Variants in SLC35F3 observed in about 807,000 individuals in gnomAD.
SLC35F3 encodes the protein putative thiamine transporter SLC35F3.
In SLC35F3, 25 loss-of-function variants were observed where a neutral mutation model predicts 49.9. The observed-to-expected ratio is 0.50, with a 90% CI of 0.37 to 0.70. The LOEUF (loss-of-function observed/expected upper bound fraction) is 0.70. Among genes scored for constraint, SLC35F3 ranks in the 30% least tolerant of loss-of-function variants. The pLI, the probability that SLC35F3 is intolerant of heterozygous loss-of-function variation, is 0.00. For missense variants in SLC35F3, 525 were observed against 639.8 expected, an observed-to-expected ratio of 0.82 and a Z score of 1.94; for synonymous variants, 275 against 265.4, an observed-to-expected ratio of 1.04 and a Z score of -0.35.
chr1:234,032,849 A>C (rs986984512), intron 2 of SLC35F3, among the ~76,000 whole-genome samples: 1 of 152,160 alleles, frequency 6.6e-6, no homozygotes, highest in Non-Finnish European at 1.5e-5. Flanking sequence ...CTTTTTTCAT[A>C]TAATGACTTC....
chr1:234,254,155 C>T (rs1373653875), intron 3 of SLC35F3, among the ~76,000 whole-genome samples: 1 of 152,202 alleles, frequency 6.6e-6, no homozygotes, highest in African/African-American at 2.4e-5. Context: ...TCTAAGAGTG[C>T]CATATTTGGC....
At chr1:234,142,169 G>A (rs1032314215) in intron 2 of SLC35F3, among the ~76,000 whole-genome samples, 3 of 152,208 alleles carry the variant, frequency 2.0e-5, no homozygotes, top group South Asian at 2.1e-4. Context: ...TGCAAGGGGC[G>A]TAGGAGGACA....
intron 2 of SLC35F3, among the ~76,000 whole-genome samples, chr1:233,960,537 C>G (rs1662782381): frequency 6.6e-6 from 1 of 152,214 alleles, no homozygotes; most frequent in Non-Finnish European, 1.5e-5. Flanking sequence ...CTGGCTTTGA[C>G]TTGGATGCCC....
rs1006312920 is a variant in SLC35F3, at chr1:234,072,791, G to C, written c.284-158626G>C. Among the ~76,000 whole-genome samples the C allele has an allele frequency of 3.9e-5, 6 of 152,194 alleles. No individual in the cohort carries two copies. In the South Asian group the frequency reaches 1.2e-3, roughly 32 times the overall value. ...AAAGAGTGGCAGGACCCATGGGCAAGGGGGCAAGGGTCCCCATCACACCAG... is the reference window on the plus strand; with the variant it reads ...AAAGAGTGGCAGGACCCATGGGCAACGGGGCAAGGGTCCCCATCACACCAG... On this transcript the variant is annotated intron_variant, in intron 2 of 7. Coordinates refer to ENST00000366618, the MANE Select transcript of SLC35F3 (RefSeq NM_173508.4).
chr1:234,154,922 T>C (rs1246075643), intron 2 of SLC35F3, among the ~76,000 whole-genome samples: 2 of 151,982 alleles, frequency 1.3e-5, no homozygotes, highest in Admixed American at 6.5e-5. Flanking sequence ...CCGGGGGCGA[T>C]TTGACTCCAG....
At chr1:234,194,972 C>G (rs1666786316) in intron 2 of SLC35F3, among the ~76,000 whole-genome samples, 2 of 152,198 alleles carry the variant, frequency 1.3e-5, no homozygotes, top group Non-Finnish European at 2.9e-5. Context: ...CCACTCTTGA[C>G]CACCATACTT....
chr1:234,293,281 G>A (rs1668537176), intron 3 of SLC35F3, among the ~76,000 whole-genome samples: 1 of 152,244 alleles, frequency 6.6e-6, no homozygotes, highest in African/African-American at 2.4e-5. Context: ...GGAAGCCTCT[G>A]GAGCAGGCAG....
chr1:234,181,349 AAAAAAAGAAAGAAAG>A (rs1666554332), intron 2 of SLC35F3, among the ~76,000 whole-genome samples: 2 of 151,762 alleles, frequency 1.3e-5, no homozygotes, highest in South Asian at 4.1e-4. Flanking sequence ...AAAAAAAAAA[AAAAAAAGAAAGAAAG>A]AAAAAGAAAA....
chr1:234,183,122 TTC>T (rs1010111412), intron 2 of SLC35F3, among the ~76,000 whole-genome samples: 2 of 143,012 alleles, frequency 1.4e-5, no homozygotes, highest in African/African-American at 4.9e-5. Flanking sequence ...ATTCAAGCAA[TTC>T]TCATGCCTCA....
At chr1:234,049,415 T>G (rs1326629787) in intron 2 of SLC35F3, among the ~76,000 whole-genome samples, 4 of 151,964 alleles carry the variant, frequency 2.6e-5, no homozygotes, top group African/African-American at 9.7e-5. Context: ...TGTGTGCACA[T>G]TGGAAAGATC....
At chr1:233,968,973 G>A (rs940823698) in intron 2 of SLC35F3, among the ~76,000 whole-genome samples, 3 of 151,580 alleles carry the variant, frequency 2.0e-5, no homozygotes, top group African/African-American at 7.3e-5. Flanking sequence ...CTGCATCTGT[G>A]TTGTTGCAAA....
chr1:234,298,159 A>T (rs1668635497), intron 3 of SLC35F3, among the ~76,000 whole-genome samples: 1 of 152,150 alleles, frequency 6.6e-6, no homozygotes, highest in Admixed American at 6.5e-5. Flanking sequence ...GAGAAATGTA[A>T]ATATGTGACA....
At chr1:233,952,936 A>T (rs1016797652) in intron 2 of SLC35F3, among the ~76,000 whole-genome samples, 1 of 152,104 alleles carries the variant, frequency 6.6e-6, no homozygotes, top group Non-Finnish European at 1.5e-5. Flanking sequence ...GAGGGAGAAA[A>T]TATTGATTTT....
chr1:234,160,569 T>C (rs1226686030), intron 2 of SLC35F3, among the ~76,000 whole-genome samples: 1 of 152,170 alleles, frequency 6.6e-6, no homozygotes, highest in Non-Finnish European at 1.5e-5. Flanking sequence ...ACACTATTCC[T>C]ATTACGCCAG....
intron 3 of SLC35F3, among the ~76,000 whole-genome samples, chr1:234,276,889 A>T (rs1037660248): frequency 6.6e-6 from 1 of 152,228 alleles, no homozygotes; most frequent in Non-Finnish European, 1.5e-5. Context: ...TATAAATAAC[A>T]TTTGGTGCCC....
At chr1:234,050,832 A>G (rs576740252) in intron 2 of SLC35F3, among the ~76,000 whole-genome samples, 1 of 152,220 alleles carries the variant, frequency 6.6e-6, no homozygotes, top group Non-Finnish European at 1.5e-5. Context: ...TAAGGAAGGA[A>G]TCCAGTTTCA....
rs775158049 is a variant in SLC35F3 at position 234,044,453 on chromosome 1, T to C, written c.283+138695T>C. On this transcript the variant is annotated intron_variant, in intron 2 of 7. Coordinates refer to ENST00000366618, the MANE Select transcript of SLC35F3 (RefSeq NM_173508.4). Reference sequence around the variant, plus strand: ...TCTACTCTCAAGATTTTGTAATAAATGGAGCTAGGTGGAAAATTGTCCTGT... The same window carrying C: ...TCTACTCTCAAGATTTTGTAATAAACGGAGCTAGGTGGAAAATTGTCCTGT... Among the ~76,000 whole-genome samples the C allele has an allele frequency of 7.4e-4, 113 of 152,320 alleles. 1 individual carries two copies. The highest frequency in any genetic ancestry group is 1.2e-3 in the Non-Finnish European group (79 of 68,030).
chr1:234,323,263 G>T lies in SLC35F3; in HGVS notation c.*20G>T. On this transcript the variant is annotated 3_prime_UTR_variant, in exon 8 of 8. Coordinates refer to ENST00000366618, the MANE Select transcript of SLC35F3 (RefSeq NM_173508.4). The surrounding 1 kb of genome is among the most constrained non-coding windows in gnomAD (Gnocchi z 4.5). ...CGCTAACACCACTCCTCTAGAACTC[G>T]GTGGTAATGACTGGGAGGTCTATTC... 3.1e-6 allele frequency: 5 copies of T among 1,601,244 alleles called. No individual in the cohort carries two copies. The highest frequency in any genetic ancestry group is 2.3e-5 in the East Asian group (1 of 44,362).
intron 2 of SLC35F3, among the ~76,000 whole-genome samples, chr1:234,205,648 C>T (rs1198697361): frequency 2.0e-5 from 3 of 152,220 alleles, no homozygotes; most frequent in African/African-American, 7.2e-5. Flanking sequence ...ATAAAAGAAA[C>T]TCTGCCAAGA....
Sources: gnomAD v4.1 joint callset for allele counts (sites outside exome capture counted in the v4.1 genomes callset) on GRCh38, gnomAD v4.1.1 for gene constraint, Gnocchi (gnomAD v3.1) non-coding constraint, MANE v1.5 for transcripts, NCBI Gene and HGNC (gene_info 2026-07-23, HGNC 2026-07-21) for gene names.